Variants in BCAM observed in about 807,000 individuals in gnomAD.
BCAM encodes the protein basal cell adhesion molecule (Lutheran blood group), also known as basal cell adhesion molecule.
BCAM carries 61 observed loss-of-function variants against 72.4 expected under a neutral mutation model. The observed-to-expected ratio is 0.84, with a 90% CI of 0.69 to 1.04. The LOEUF (loss-of-function observed/expected upper bound fraction) is 1.04, where lower values mean the gene tolerates loss of function less well. Among genes scored for constraint, BCAM ranks in the 50% least tolerant of loss-of-function variants. BCAM has a pLI of 0.00. For synonymous variants in BCAM, 408 were observed against 384.2 expected (o/e 1.06, Z -0.73); for missense variants, 909 against 895.0 (o/e 1.02, Z -0.20).
chr19:44,811,112 C>T, intron 1 of BCAM, 113 bp from the exon 2 acceptor site: 1 of 1,522,894 alleles, frequency 6.6e-7, no homozygotes, highest in Non-Finnish European at 8.9e-7. Context: ...ACTCCTGGGT[C>T]TGAGGGAGGA....
intron 8 of BCAM, among the ~76,000 whole-genome samples, chr19:44,817,234 C>A (rs1016115107): frequency 5.3e-5 from 8 of 150,458 alleles, no homozygotes; most frequent in African/African-American, 1.9e-4. Flanking sequence ...CAAACTCTCT[C>A]AAAAAAAAAT....
chr19:44,811,488 G>A, intron 2 of BCAM, 142 bp downstream of exon 2: 1 of 1,415,694 alleles, frequency 7.1e-7, no homozygotes, highest in Non-Finnish European at 9.6e-7. Flanking sequence ...CCCACTGAGG[G>A]GAAGGGATCT....
At chr19:44,820,520 C>T in intron 13 of BCAM, 185 bp from the exon 14 acceptor site, 1 of 1,272,652 alleles carries the variant, frequency 7.9e-7, no homozygotes, top group Non-Finnish European at 9.9e-7. Context: ...ATCCCCATGC[C>T]CAACCCTAAC....
At chr19:44,819,526 T>C in intron 12 of BCAM, 36 bp downstream of exon 12, 1 of 1,613,498 alleles carries the variant, frequency 6.2e-7, no homozygotes, top group Non-Finnish European at 8.5e-7. Flanking sequence ...GAGCCGGGTG[T>C]GGGGCAGACA....
Position 44,818,316 on chromosome 19 carries a change from A to G in BCAM, c.1079-206A>G, listed in dbSNP as rs946865810. ...AAAAGTAATTGACTTGGGCATGTCAATGTTGGGGTTAGACTGCTAGATTTT... is the reference window on the plus strand; with the variant it reads ...AAAAGTAATTGACTTGGGCATGTCAGTGTTGGGGTTAGACTGCTAGATTTT... On this transcript the variant is annotated intron_variant, in intron 8 of 14. Coordinates refer to ENST00000270233, the MANE Select transcript of BCAM (RefSeq NM_005581.5). The surrounding 1 kb of genome is among the most constrained non-coding windows in gnomAD (Gnocchi z 4.6). 1.3e-5 allele frequency among the ~76,000 whole-genome samples: 2 copies of G among 152,130 alleles called. No homozygotes were observed. The highest frequency in any genetic ancestry group is 4.1e-4 in the South Asian group (2 of 4,826).
rs764975478 is a variant in BCAM at position 44,814,237 on chromosome 19, C to G, written c.870C>G (p.Leu290=). The G allele has an allele frequency of 6.9e-6, 11 of 1,589,090 alleles. No homozygotes were observed. In the South Asian group the frequency reaches 1.2e-4, roughly 18 times the overall value. Residue 290 remains leucine (L), a synonymous_variant, in exon 7 of 15, where the codon CTC becomes CTG. Transcript: ENST00000270233. This position sits in a 1 kb window ranked among gnomAD's most constrained non-coding sequence, Gnocchi z 4.6. ...GCGAGGGTGACACTGTCCAGCTGCT[C>G]TGCCGGGGGGACGGCAGCCCCAGCC... ...WVREGDTVQL[L]CRGDGSPSPE... is the part of the protein sequence containing the mutation.
chr19:44,819,839 C>T, intron 13 of BCAM, 113 bp downstream of exon 13: 1 of 1,432,066 alleles, frequency 7.0e-7, no homozygotes. Flanking sequence ...CACATCCCAC[C>T]ACATCCACCT....
At chr19:44,816,395 G>T (rs1265058522) in intron 8 of BCAM, among the ~76,000 whole-genome samples, 1 of 152,234 alleles carries the variant, frequency 6.6e-6, no homozygotes, top group Non-Finnish European at 1.5e-5. Context: ...GTTGTCCCCA[G>T]TTGGGGTGAG....
In BCAM at chr19:44,820,809, GC is replaced by G. The variant is rs755795759; in HGVS notation, c.1869del (p.Phe624SerfsTer11). 5 of 1,512,870 alleles carry G rather than the reference GC, an allele frequency of 3.3e-6. No individual in the cohort carries two copies. The South Asian group carries it at 6.3e-5, about 19-fold the overall frequency. 93.7% of individuals were successfully genotyped at this position (1,512,870 alleles called of 1,614,324 possible). A position where few individuals can be genotyped will look rare whatever the true frequency, so the allele number is the denominator to read the frequency against. The stretch of plus-strand genomic sequence containing the variant: ...GGAGGAGCCAGGGGTGGCAGCGGGG[GC>G]TTCGGAGACGAGGTGGGTGAGGGCC... The part of the protein sequence containing the change: ...ASGGARGGSG[G>X]FGDEC On this transcript the variant is annotated frameshift_variant, in exon 14 of 15. Coordinates refer to ENST00000270233, the MANE Select transcript of BCAM (RefSeq NM_005581.5). LOFTEE classifies it high-confidence loss of function.
At chr19:44,811,190 G>T (rs781214428) in intron 1 of BCAM, 35 bp from the exon 2 acceptor site, 1 of 1,610,950 alleles carries the variant, frequency 6.2e-7, no homozygotes, top group South Asian at 1.1e-5. Flanking sequence ...CTTCCTGTTG[G>T]TGTGGTGGAT....
Position 44,819,358 on chromosome 19 carries a change from A to G in BCAM, c.1486A>G (p.Ile496Val), listed in dbSNP as rs946331764. 4 of 1,614,040 alleles carry G rather than the reference A, an allele frequency of 2.5e-6. No homozygotes were observed. The highest frequency in any genetic ancestry group is 3.4e-6 in the Non-Finnish European group (4 of 1,179,948). The change falls in exon 12 of 15, where the codon ATC (isoleucine) becomes GTC (valine). Residue 496 changes from isoleucine to valine, a missense_variant. Physicochemically the swap from Ile to Val is conservative, Grantham distance 29. Coordinates refer to ENST00000270233, the MANE Select transcript of BCAM (RefSeq NM_005581.5). ...GGAGCCTCCATAGCCCGCAGAGCCAATCCCCGGACGGCAGGGTTGGGTGAG... is the reference window on the plus strand; with the variant it reads ...GGAGCCTCCATAGCCCGCAGAGCCAGTCCCCGGACGGCAGGGTTGGGTGAG... ...SQLGGSPAEP[I>V]PGRQGWVSSS...
chr19:44,809,257 C>A, intron 1 of BCAM, 51 bp downstream of exon 1: 2 of 1,349,416 alleles, frequency 1.5e-6, no homozygotes, highest in Admixed American at 3.5e-5. Context: ...CCCCTGGGGA[C>A]CCCGGGAAAG....
At chr19:44,815,263 G>A (rs949820152) in intron 8 of BCAM, among the ~76,000 whole-genome samples, 28 of 152,004 alleles carry the variant, frequency 1.8e-4, no homozygotes, top group East Asian at 7.7e-4. Context: ...CCTTCCTACC[G>A]TCTATTTCTC....
chr19:44,815,515 T>C (rs914519179), intron 8 of BCAM, among the ~76,000 whole-genome samples: 7 of 152,170 alleles, frequency 4.6e-5, no homozygotes, highest in Admixed American at 3.9e-4. Flanking sequence ...ACAGGTGATA[T>C]CACCAGTGAG....
rs376419731 is a variant in BCAM, at chr19:44,814,915, T to TG, written c.1078+155_1078+156insG. 1.2e-4 allele frequency among the ~76,000 whole-genome samples: 17 copies of TG among 147,728 alleles called. No individual in the cohort carries two copies. The highest frequency in any genetic ancestry group is 3.6e-4 in the African/African-American group (14 of 39,180). On this transcript the variant is annotated intron_variant, in intron 8 of 14. Transcript: ENST00000270233. The surrounding 1 kb of genome is among the most constrained non-coding windows in gnomAD (Gnocchi z 4.6). Reference sequence around the variant, plus strand: ...TTGGGGGTTTTTTTGGTTGTTTTTTTTTTTTTTTTTTTCCCAGAGACAGGA... The same window carrying TG: ...TTGGGGGTTTTTTTGGTTGTTTTTTTGTTTTTTTTTTTTCCCAGAGACAGGA...
Position 44,813,387 on chromosome 19 carries a change from G to A in BCAM, c.601+41G>A. The A allele has an allele frequency of 6.2e-7, 1 of 1,609,586 alleles. No individual in the cohort carries two copies. Among genetic ancestry groups the A allele is most frequent in the Non-Finnish European group, 8.5e-7 (1 of 1,177,604 alleles). On this transcript the variant is annotated intron_variant, in intron 5 of 14. Coordinates refer to ENST00000270233, the MANE Select transcript of BCAM (RefSeq NM_005581.5). The surrounding 1 kb of genome is among the most constrained non-coding windows in gnomAD (Gnocchi z 4.2). ...GCGCGGCGGGACGTGGGCTGGGGTG[G>A]GTGGCGGGGCTATGGCCTGGCTGAC... is the stretch of plus-strand genomic sequence containing the variant.
At position 44,809,141 on chromosome 19, in the gene BCAM, C is replaced by T; in HGVS notation, c.17C>T (p.Ala6Val). ...GCCGTGAACATGGAGCCCCCGGACG[C>T]ACCGGCCCAGGCGCGCGGGGCCCCG... The part of the protein sequence containing the change: MEPPD[A>V]PAQARGAPRL... The change falls in exon 1 of 15, where the codon GCA becomes GTA. Residue 6 changes from alanine (A) to valine (V), a missense_variant. Coordinates refer to ENST00000270233, the MANE Select transcript of BCAM (RefSeq NM_005581.5). 6.8e-7 allele frequency: 1 copy of T among 1,466,526 alleles called. No individual in the cohort carries two copies. The highest frequency in any genetic ancestry group is 9.0e-7 in the Non-Finnish European group (1 of 1,112,736). 90.8% of individuals were successfully genotyped at this position (1,466,526 alleles called of 1,614,324 possible).
At position 44,813,011 on chromosome 19, in the gene BCAM, C is replaced by A; in HGVS notation, c.505-239C>A. ...AAAGGAAGGGCAGAGGGGGAAGACT[C>A]CTGTGTCCTAGGAAGGAGAGAGCTG... On this transcript the variant is annotated intron_variant, in intron 4 of 14. Coordinates refer to ENST00000270233, the MANE Select transcript of BCAM (RefSeq NM_005581.5). This position sits in a 1 kb window ranked among gnomAD's most constrained non-coding sequence, Gnocchi z 4.2. 1 of 543,430 alleles carries A rather than the reference C, an allele frequency of 1.8e-6. No individual in the cohort carries two copies. The highest frequency in any genetic ancestry group is 3.2e-6 in the Non-Finnish European group (1 of 310,656). The allele number at this position is 543,430 out of a possible 1,614,324, so 33.7% of individuals were successfully genotyped here. A position where few individuals can be genotyped will look rare whatever the true frequency, so the allele number is the denominator to read the frequency against.
chr19:44,820,502 G>C, intron 13 of BCAM: 3 of 1,259,902 alleles, frequency 2.4e-6, no homozygotes, highest in Non-Finnish European at 2.0e-6. Flanking sequence ...AACCCCAATA[G>C]CATCTGCATC....
Sources: allele counts gnomAD v4.1 joint callset (sites outside exome capture counted in the v4.1 genomes callset), GRCh38; gene constraint gnomAD v4.1.1; non-coding constraint Gnocchi (gnomAD v3.1); transcripts MANE v1.5; gene names NCBI Gene and HGNC (gene_info 2026-07-23, HGNC 2026-07-21).